CIMIP5: variants seen among roughly 807,000 people sequenced by gnomAD.
CIMIP5 encodes the protein ciliary microtubule inner protein 5.
At chr2:11,140,603 CT>C in the CIMIP5 span, 3 of 1,359,058 alleles carry the variant, frequency 2.2e-6, no homozygotes, top group South Asian at 4.2e-5. Context: ...ATTACTCATT[CT>C]TTCCATCATT....
chr2:11,144,793 C>A, the CIMIP5 span: 45 of 148,474 alleles, frequency 3.0e-4, no homozygotes, highest in Admixed American at 9.0e-4. Flanking sequence ...CTCACTCCTT[C>A]ATCTTTTCTT....
the CIMIP5 span, among the ~76,000 whole-genome samples, chr2:11,150,165 C>G: frequency 6.2e-4 from 94 of 151,930 alleles, no homozygotes; most frequent in African/African-American, 2.2e-3. Context: ...CCGGGCTGGT[C>G]TCGAACCTCG....
chr2:11,143,947 C>T, the CIMIP5 span: 1 of 1,598,768 alleles, frequency 6.3e-7, no homozygotes, highest in Non-Finnish European at 8.5e-7. Context: ...TGAGAAGTTG[C>T]CAGACCATGT....
At chr2:11,139,639 G>A in the CIMIP5 span, among the ~76,000 whole-genome samples, 7 of 152,208 alleles carry the variant, frequency 4.6e-5, no homozygotes, top group Non-Finnish European at 7.3e-5. Context: ...GAGGCAGGGC[G>A]AGATGGTAGC....
At chr2:11,139,682 ACAT>A in the CIMIP5 span, among the ~76,000 whole-genome samples, 74 of 152,358 alleles carry the variant, frequency 4.9e-4, no homozygotes, top group African/African-American at 1.8e-3. Context: ...CACCATAGTG[ACAT>A]CATATTTGTC....
At chr2:11,140,525 T>C in the CIMIP5 span, 2 of 1,566,978 alleles carry the variant, frequency 1.3e-6, no homozygotes, top group Non-Finnish European at 1.7e-6. Flanking sequence ...AGAACTGGAG[T>C]TTCCTGAAAG....
the CIMIP5 span, among the ~76,000 whole-genome samples, chr2:11,140,864 C>T: frequency 0.019 from 2,843 of 152,192 alleles, 143 homozygotes; most frequent in East Asian, 0.12. Context: ...ATCTGTGTGG[C>T]GTGCCCGAGA....
chr2:11,137,322 C>A, the CIMIP5 span, among the ~76,000 whole-genome samples: 1 of 151,836 alleles, frequency 6.6e-6, no homozygotes, highest in Non-Finnish European at 1.5e-5. Context: ...TGCAATCAGC[C>A]GAGATTGTGC....
the CIMIP5 span, among the ~76,000 whole-genome samples, chr2:11,149,663 G>A: frequency 6.6e-6 from 1 of 151,894 alleles, no homozygotes; most frequent in African/African-American, 2.4e-5. Context: ...TTTATGATCT[G>A]ATCACTGCCT....
the CIMIP5 span, among the ~76,000 whole-genome samples, chr2:11,151,912 G>A: frequency 6.6e-6 from 1 of 152,262 alleles, no homozygotes. Context: ...GGGATTACAG[G>A]CGTGAGCCAC....
At chr2:11,153,785 G>C in the CIMIP5 span, among the ~76,000 whole-genome samples, 1 of 152,048 alleles carries the variant, frequency 6.6e-6, no homozygotes, top group Non-Finnish European at 1.5e-5. Context: ...TTAGCCGGGA[G>C]TGGTGGCACA....
At chr2:11,154,460 G>A in the CIMIP5 span, among the ~76,000 whole-genome samples, 1 of 152,148 alleles carries the variant, frequency 6.6e-6, no homozygotes, top group South Asian at 2.1e-4. Flanking sequence ...CACACTTCCC[G>A]GCTGAGATTT....
chr2:11,133,498 A>G, the CIMIP5 span: 2 of 1,608,728 alleles, frequency 1.2e-6, no homozygotes, highest in Non-Finnish European at 1.7e-6. Context: ...CTGAAGGCGC[A>G]GCGGGTGGCT....
At chr2:11,138,255 A>C in the CIMIP5 span, among the ~76,000 whole-genome samples, 1 of 152,262 alleles carries the variant, frequency 6.6e-6, no homozygotes, top group Admixed American at 6.5e-5. Flanking sequence ...ATCAGTACAT[A>C]GAAGCCTAAA....
the CIMIP5 span, among the ~76,000 whole-genome samples, chr2:11,141,785 G>A: frequency 2.0e-5 from 3 of 151,824 alleles, no homozygotes; most frequent in African/African-American, 7.3e-5. Context: ...ACCAGCCTGG[G>A]CAACATAGGG....
chr2:11,139,507 C>G, the CIMIP5 span, among the ~76,000 whole-genome samples: 1 of 152,160 alleles, frequency 6.6e-6, no homozygotes, highest in East Asian at 1.9e-4. Flanking sequence ...ATGGTCCCTC[C>G]CTTTTCCTAC....
chr2:11,137,203 T>C, the CIMIP5 span, among the ~76,000 whole-genome samples: 1 of 152,186 alleles, frequency 6.6e-6, no homozygotes, highest in African/African-American at 2.4e-5. Flanking sequence ...TGAAACCCCA[T>C]CTCTACTAAA....
chr2:11,143,416 G>T, the CIMIP5 span, among the ~76,000 whole-genome samples: 4 of 152,004 alleles, frequency 2.6e-5, no homozygotes, highest in Non-Finnish European at 5.9e-5. Context: ...AGAGACAGGG[G>T]CTGAGGGGCT....
At chr2:11,136,472 C>A in the CIMIP5 span, among the ~76,000 whole-genome samples, 7 of 152,188 alleles carry the variant, frequency 4.6e-5, no homozygotes, top group African/African-American at 1.7e-4. Flanking sequence ...ATGCTGAGTT[C>A]TGGTGAGTTT....
Sources: gnomAD v4.1 joint callset for allele counts (sites outside exome capture counted in the v4.1 genomes callset) on GRCh38, gnomAD v4.1.1 for gene constraint, MANE v1.5 for transcripts, NCBI Gene and HGNC (gene_info 2026-07-23, HGNC 2026-07-21) for gene names.